Variants in ACAP3 observed in about 807,000 individuals in gnomAD.
ACAP3 encodes arf-GAP with coiled-coil, ANK repeat and PH domain-containing protein 3.
In ACAP3, 56 loss-of-function variants were observed where a neutral mutation model predicts 104.1. That is an observed-to-expected ratio of 0.54 (90% CI 0.43 to 0.67). The LOEUF is 0.67. Ranked by LOEUF, ACAP3 falls within the 30% of genes least tolerant of loss-of-function variation. The pLI is 0.00. For synonymous variants in ACAP3, 628 were observed against 496.2 expected, an observed-to-expected ratio of 1.27 and a Z score of -3.53; for missense variants, 1,208 against 1,174.9, an observed-to-expected ratio of 1.03 and a Z score of -0.41.
chr1:1,307,060 G>C, intron 1 of ACAP3: 1 of 739,298 alleles, frequency 1.4e-6, no homozygotes, highest in Middle Eastern at 3.0e-4. Context: ...GGGGCCTCAC[G>C]CAGGTGCGCA....
intron 14 of ACAP3, among the ~76,000 whole-genome samples, 162 bp from the exon 15 acceptor site, chr1:1,296,795 C>A (rs1241454872): frequency 1.5e-5 from 2 of 130,856 alleles, no homozygotes; most frequent in Non-Finnish European, 3.1e-5. Context: ...GGGCAGATGG[C>A]CCCCCCCTCG....
chr1:1,296,344 AC>A (rs1418446286), intron 15 of ACAP3, 64 bp from the exon 16 acceptor site: 4 of 1,538,280 alleles, frequency 2.6e-6, no homozygotes, highest in Middle Eastern at 1.7e-4. Context: ...CCCAACCCCC[AC>A]CCCCGGCCTG....
In ACAP3 at chr1:1,296,282, T is replaced by C; in HGVS notation, c.1338-2A>G. 6.4e-7 allele frequency: 1 copy of C among 1,555,946 alleles called. No individual in the cohort carries two copies. The highest frequency in any genetic ancestry group is 8.7e-7 in the Non-Finnish European group (1 of 1,150,064). On this transcript the variant is annotated splice_acceptor_variant, in intron 15 of 23. Transcript: ENST00000354700. LOFTEE classifies it high-confidence loss of function. Reference sequence around the variant, plus strand: ...TTGGAGCAGTGGACACCCAGGCTCCTGGAGAGCAGAGGTAGGGATGAGTCT... The same window carrying C: ...TTGGAGCAGTGGACACCCAGGCTCCCGGAGAGCAGAGGTAGGGATGAGTCT...
At position 1,298,757 on chromosome 1, in the gene ACAP3, G is replaced by T. The variant is rs370042082; in HGVS notation, c.751-78C>A. On this transcript the variant is annotated intron_variant, in intron 10 of 23. Coordinates refer to ENST00000354700, the MANE Select transcript of ACAP3 (RefSeq NM_030649.3). ...CTCCGTGCTTTCCCGGAGCACAGGTGGGGGTGAGGTCCTTGTCTGAGGCTG... is the reference window on the plus strand; with the variant it reads ...CTCCGTGCTTTCCCGGAGCACAGGTTGGGGTGAGGTCCTTGTCTGAGGCTG... The T allele has an allele frequency of 1.8e-4, 196 of 1,119,472 alleles. No homozygotes were observed. In the East Asian group the frequency reaches 3.8e-3, roughly 21 times the overall value. 69.3% of individuals were successfully genotyped at this position (1,119,472 alleles called of 1,614,324 possible).
At chr1:1,300,319 C>T in intron 6 of ACAP3, 117 bp from the exon 7 acceptor site, 1 of 1,333,690 alleles carries the variant, frequency 7.5e-7, no homozygotes, top group South Asian at 1.5e-5. Flanking sequence ...AGGTCGTCTT[C>T]AGCTCCCAGC....
chr1:1,294,300 G>T (rs2477781), intron 21 of ACAP3, 101 bp from the exon 22 acceptor site: 1,463,753 of 1,510,776 alleles, frequency 0.97, 709,201 homozygotes, highest in East Asian at 1. Flanking sequence ...GGGACCGAAC[G>T]TGGTCCCCAC....
chr1:1,300,320 A>G, intron 6 of ACAP3, 118 bp from the exon 7 acceptor site: 1 of 1,334,762 alleles, frequency 7.5e-7, no homozygotes, highest in South Asian at 1.5e-5. Flanking sequence ...GGTCGTCTTC[A>G]GCTCCCAGCT....
Position 1,300,058 on chromosome 1 carries a change from A to C in ACAP3, c.578T>G (p.Phe193Cys). 1 of 1,612,488 alleles carries C rather than the reference A, an allele frequency of 6.2e-7. No individual in the cohort carries two copies. The highest frequency in any genetic ancestry group is 1.1e-5 in the South Asian group (1 of 91,062). ...KFEILDSMLS[F>C]MHAQSSFFQQ... is the part of the protein sequence containing the mutation. ...GAAGAAGCTGGACTGGGCGTGCATG[A>C]AGGACAGCATCTGCGGGGGCAGCAC... The change falls in exon 8 of 24, where the codon TTC becomes TGC. Residue 193 changes from phenylalanine to cysteine, a missense_variant. Phe to Cys is a radical substitution (Grantham distance 205). Coordinates refer to ENST00000354700, the MANE Select transcript of ACAP3 (RefSeq NM_030649.3).
At chr1:1,301,258 C>CTTTTT (rs869238177) in intron 5 of ACAP3, among the ~76,000 whole-genome samples, 10 of 105,408 alleles carry the variant, frequency 9.5e-5, no homozygotes, top group East Asian at 3.0e-4. Flanking sequence ...TTGGGGGTGT[C>CTTTTT]TTTTTTTTTT....
chr1:1,296,244 C>T lies in ACAP3; in HGVS notation c.1374G>A (p.Leu458=). 6.4e-7 allele frequency: 1 copy of T among 1,563,468 alleles called. No individual in the cohort carries two copies. The highest frequency in any genetic ancestry group is 1.2e-5 in the South Asian group (1 of 85,692). Residue 458 remains leucine, a synonymous_variant, in exon 16 of 24, where the codon CTG becomes CTA. Coordinates refer to ENST00000354700, the MANE Select transcript of ACAP3 (RefSeq NM_030649.3). ...GCTCAGGCTCCCACGAGTCCAGCGT[C>T]AGGGACCGCACCTTGGAGCAGTGGA... The part of the protein sequence containing the change: ...LGVHCSKVRS[L]TLDSWEPELL...
At chr1:1,296,800 C>T (rs1557600390) in intron 14 of ACAP3, among the ~76,000 whole-genome samples, 167 bp from the exon 15 acceptor site, 1 of 144,804 alleles carries the variant, frequency 6.9e-6, no homozygotes, top group African/African-American at 2.5e-5. Flanking sequence ...GATGGCCCCC[C>T]CCTCGAGCAC....
At chr1:1,298,213 G>T in intron 12 of ACAP3, 100 bp from the exon 13 acceptor site, 2 of 1,566,840 alleles carry the variant, frequency 1.3e-6, no homozygotes, top group Non-Finnish European at 8.7e-7. Context: ...GACTGCCTGA[G>T]CCCCAAGCCC....
In ACAP3 at chr1:1,294,870, A is replaced by G. The variant is rs2100399386; in HGVS notation, c.1814-54T>C. ...AGGGTGGGAGGCCCAGACTCCGTCC[A>G]GAGCCCTGGGGCAAGGCTGGAACTC... On this transcript the variant is annotated intron_variant, in intron 19 of 23. Coordinates refer to ENST00000354700, the MANE Select transcript of ACAP3 (RefSeq NM_030649.3). The G allele has an allele frequency of 3.9e-6, 6 of 1,529,630 alleles. No homozygotes were observed. In the South Asian group the frequency reaches 7.2e-5, roughly 18 times the overall value. 94.8% of individuals were successfully genotyped at this position (1,529,630 alleles called of 1,614,324 possible).
chr1:1,294,462 C>G lies in ACAP3; in HGVS notation c.2079G>C (p.Glu693Asp), dbSNP rs1313981152. ...ALAAALAHGA[E>D]VNWADAEDEG... ...CATCCTCCGCGTCCGCCCAGTTGAC[C>G]TCGGCCCCGTGGGCCAGCGCCGCCG... Residue 693 changes from glutamate (E) to aspartate (D), a missense_variant, in exon 21 of 24, where the codon GAG becomes GAC. Coordinates refer to ENST00000354700, the MANE Select transcript of ACAP3 (RefSeq NM_030649.3). 2 of 1,565,326 alleles carry G rather than the reference C, an allele frequency of 1.3e-6. No homozygotes were observed. The highest frequency in any genetic ancestry group is 1.7e-6 in the Non-Finnish European group (2 of 1,162,024).
In ACAP3 at chr1:1,292,871, G is replaced by C. The variant is rs1640900334; in HGVS notation, c.*693C>G. On this transcript the variant is annotated 3_prime_UTR_variant, in exon 24 of 24. Coordinates refer to ENST00000354700, the MANE Select transcript of ACAP3 (RefSeq NM_030649.3). Reference sequence around the variant, plus strand: ...CTACAAAGAACATGAGATGAGGGCTGCAAAGTGGCAAAGTGGCTTTATGCG... The same window carrying C: ...CTACAAAGAACATGAGATGAGGGCTCCAAAGTGGCAAAGTGGCTTTATGCG... The C allele has an allele frequency of 6.6e-6, 1 of 152,306 alleles. No homozygotes were observed. The highest frequency in any genetic ancestry group is 1.5e-5 in the Non-Finnish European group (1 of 68,084). The allele number at this position is 152,306 out of a possible 1,614,324, so 9.4% of individuals were successfully genotyped here. A position where few individuals can be genotyped will look rare whatever the true frequency, so the allele number is the denominator to read the frequency against.
chr1:1,296,923 A>C (rs1179553332), intron 14 of ACAP3, among the ~76,000 whole-genome samples: 1 of 152,048 alleles, frequency 6.6e-6, no homozygotes, highest in Non-Finnish European at 1.5e-5. Flanking sequence ...GGTGCCGAGC[A>C]CACTCCCACA....
chr1:1,296,126 C>A lies in ACAP3; in HGVS notation c.1408-17G>T. The A allele has an allele frequency of 6.2e-7, 1 of 1,612,496 alleles. No individual in the cohort carries two copies. The highest frequency in any genetic ancestry group is 1.1e-5 in the South Asian group (1 of 91,014). The stretch of plus-strand genomic sequence containing the variant: ...ACACATCAGCTAGCGGGAGACAGGG[C>A]GAGCAGGCATCAGTGCGAACCTGCA... On this transcript the variant is annotated splice_polypyrimidine_tract_variant and intron_variant, in intron 16 of 23. Coordinates refer to ENST00000354700, the MANE Select transcript of ACAP3 (RefSeq NM_030649.3).
Position 1,302,060 on chromosome 1 carries a change from CG to C in ACAP3, c.280-15del. The C allele has an allele frequency of 6.6e-7, 1 of 1,521,050 alleles. No individual in the cohort carries two copies. Among genetic ancestry groups the C allele is most frequent in the South Asian group, 1.2e-5 (1 of 80,510 alleles). 94.2% of individuals were successfully genotyped at this position (1,521,050 alleles called of 1,614,324 possible). On this transcript the variant is annotated splice_polypyrimidine_tract_variant and intron_variant, in intron 4 of 23. Coordinates refer to ENST00000354700, the MANE Select transcript of ACAP3 (RefSeq NM_030649.3). The stretch of plus-strand genomic sequence containing the variant: ...GTCAAACAGGATCTGGGGGCAGAGG[CG>C]GGCAGAGATCCTTGGGGTCTGTCCC...
intron 14 of ACAP3, among the ~76,000 whole-genome samples, chr1:1,297,240 C>CGT (rs1557601201): frequency 1.1e-5 from 1 of 89,632 alleles, no homozygotes. Flanking sequence ...CCCGGTGGCA[C>CGT]ATGTGTGCAC....
Sources: allele counts gnomAD v4.1 joint callset (sites outside exome capture counted in the v4.1 genomes callset), GRCh38; gene constraint gnomAD v4.1.1; transcripts MANE v1.5; gene names NCBI Gene and HGNC (gene_info 2026-07-23, HGNC 2026-07-21).